CLSTN2: variants seen among roughly 807,000 people sequenced by gnomAD.
The protein encoded by CLSTN2 is calsyntenin 2, also known as calsyntenin-2.
A neutral mutation model predicts 101.2 loss-of-function variants in CLSTN2; 48 were observed. That is an observed-to-expected ratio of 0.47 (90% CI 0.38 to 0.60). The LOEUF (loss-of-function observed/expected upper bound fraction) is 0.60, where lower values mean the gene tolerates loss of function less well. CLSTN2 is among the 20% of genes least tolerant of loss of function. The pLI, the probability that CLSTN2 is intolerant of heterozygous loss-of-function variation, is 0.00. For synonymous variants in CLSTN2, 481 were observed against 463.6 expected (o/e 1.04, Z -0.48); for missense variants, 1,160 against 1,238.2 (o/e 0.94, Z 0.95).
At chr3:140,480,301 T>G (rs1372313729) in intron 8 of CLSTN2, among the ~76,000 whole-genome samples, 1 of 152,224 alleles carries the variant, frequency 6.6e-6, no homozygotes, top group African/African-American at 2.4e-5. Context: ...CTGCATAGTA[T>G]TCCATGGTGT....
intron 1 of CLSTN2, among the ~76,000 whole-genome samples, chr3:140,128,575 A>T (rs1297524857): frequency 6.6e-6 from 1 of 152,224 alleles, no homozygotes; most frequent in Non-Finnish European, 1.5e-5. Flanking sequence ...GGGAATCATT[A>T]GGAAACCTGA....
intron 2 of CLSTN2, among the ~76,000 whole-genome samples, chr3:140,350,815 G>A (rs986321947): frequency 1.3e-5 from 2 of 152,186 alleles, no homozygotes; most frequent in African/African-American, 4.8e-5. Flanking sequence ...TTTGAGATTA[G>A]ATGCTTGAGA....
rs1156442987 is a variant in CLSTN2, at chr3:140,205,627, C to CCCCCA, written c.232+29555_232+29556insCCCAC. Among the ~76,000 whole-genome samples, 13 of 111,598 alleles carry CCCCCA rather than the reference C, an allele frequency of 1.2e-4. 1 individual carries two copies. Among genetic ancestry groups the CCCCCA allele is most frequent in the Admixed American group, 2.0e-4 (2 of 9,838 alleles). The allele number at this position is 111,598 out of a possible 152,430, so 73.2% of individuals were successfully genotyped here. Reference sequence around the variant, plus strand: ...TGTTTGGACCTGACCCGCCCCCCACCCACACACACACACAGCCACCTGCTA... The same window carrying CCCCCA: ...TGTTTGGACCTGACCCGCCCCCCACCCCCCACACACACACACACAGCCACCTGCTA... On this transcript the variant is annotated intron_variant, in intron 2 of 16. Transcript: ENST00000458420.
At chr3:140,057,750 A>G (rs1464447002) in intron 1 of CLSTN2, among the ~76,000 whole-genome samples, 7 of 152,166 alleles carry the variant, frequency 4.6e-5, no homozygotes, top group African/African-American at 1.7e-4. Context: ...GTAGGGCCCA[A>G]TTATCACTGC....
rs540345206 is a variant in CLSTN2 at position 140,333,535 on chromosome 3, C to T, written c.233-70094C>T. 6.9e-4 allele frequency among the ~76,000 whole-genome samples: 105 copies of T among 152,228 alleles called. 2 individuals carry two copies. The South Asian group carries it at 0.021, about 31-fold the overall frequency. On this transcript the variant is annotated intron_variant, in intron 2 of 16. Coordinates refer to ENST00000458420, the MANE Select transcript of CLSTN2 (RefSeq NM_022131.3). Reference sequence around the variant, plus strand: ...CCATGGTCTGACTACAGTTTTACCCCTTGTTTCCTCTTTTCCACTATTTAG... The same window carrying T: ...CCATGGTCTGACTACAGTTTTACCCTTTGTTTCCTCTTTTCCACTATTTAG...
chr3:140,565,479 G>C (rs946588841), intron 16 of CLSTN2, among the ~76,000 whole-genome samples: 1 of 152,124 alleles, frequency 6.6e-6, no homozygotes, highest in African/African-American at 2.4e-5. Context: ...GGAAAGGAAG[G>C]GGTACAGCCT....
At chr3:140,445,415 A>G (rs984622757) in intron 5 of CLSTN2, among the ~76,000 whole-genome samples, 4 of 152,192 alleles carry the variant, frequency 2.6e-5, no homozygotes, top group Non-Finnish European at 5.9e-5. Context: ...TCTCCAGAGA[A>G]AAGGCCTCCA....
chr3:140,228,210 GCTTTGCTGCTTAGAAATTT>G (rs2086340461), intron 2 of CLSTN2, among the ~76,000 whole-genome samples: 1 of 152,136 alleles, frequency 6.6e-6, no homozygotes, highest in Non-Finnish European at 1.5e-5. Context: ...CATCTTGAAT[GCTTTGCTGCTTAGAAATTT>G]CTTCTGCCAG....
At chr3:140,291,804 G>A (rs1395696421) in intron 2 of CLSTN2, among the ~76,000 whole-genome samples, 1 of 151,926 alleles carries the variant, frequency 6.6e-6, no homozygotes, top group Non-Finnish European at 1.5e-5. Flanking sequence ...TGAAAGATGA[G>A]CTTCCAACCA....
intron 1 of CLSTN2, among the ~76,000 whole-genome samples, chr3:140,067,675 C>T (rs1298635021): frequency 6.6e-6 from 1 of 152,194 alleles, no homozygotes; most frequent in South Asian, 2.1e-4. Flanking sequence ...ATCACAGATG[C>T]TGTCACCCTT....
chr3:140,212,738 T>G (rs2010873596), intron 2 of CLSTN2, among the ~76,000 whole-genome samples: 1 of 152,200 alleles, frequency 6.6e-6, no homozygotes, highest in African/African-American at 2.4e-5. Flanking sequence ...AGGCCATGTT[T>G]CTGTTCACTC....
chr3:140,117,230 C>T (rs2009259884), intron 1 of CLSTN2, among the ~76,000 whole-genome samples: 1 of 152,226 alleles, frequency 6.6e-6, no homozygotes, highest in African/African-American at 2.4e-5. Context: ...GTGGTTGCCT[C>T]TCTGCAGCCT....
chr3:140,558,666 G>A lies in CLSTN2; in HGVS notation c.1850G>A (p.Ser617Asn). 1 of 1,613,882 alleles carries A rather than the reference G, an allele frequency of 6.2e-7. No homozygotes were observed. The highest frequency in any genetic ancestry group is 8.5e-7 in the Non-Finnish European group (1 of 1,179,918). The change falls in exon 12 of 17, where the codon AGT (serine) becomes AAT (asparagine). Residue 617 changes from serine to asparagine, a missense_variant. By Grantham distance (46) the Ser-to-Asn change is conservative (BLOSUM62 1). Transcript: ENST00000458420. ...TGCTTTGGGGAAGACGTATGCATCA[G>A]TATCCCTGAGGTAGATGCCTATGTG... ...VQCFGEDVCI[S>N]IPEVDAYVMV...
chr3:140,484,165 C>CA (rs1461388685), intron 8 of CLSTN2, among the ~76,000 whole-genome samples: 2 of 152,100 alleles, frequency 1.3e-5, no homozygotes, highest in Non-Finnish European at 2.9e-5. Context: ...CTGGTGGTGA[C>CA]AAAAATCTCT....
At chr3:140,192,966 G>A (rs1161305523) in intron 2 of CLSTN2, among the ~76,000 whole-genome samples, 1 of 151,566 alleles carries the variant, frequency 6.6e-6, no homozygotes, top group Admixed American at 6.6e-5. Context: ...TTTTTTAGTG[G>A]TTGATCTAGG....
intron 5 of CLSTN2, among the ~76,000 whole-genome samples, chr3:140,441,320 GAAT>G (rs1576569387): frequency 6.6e-6 from 1 of 152,176 alleles, no homozygotes; most frequent in East Asian, 1.9e-4. Context: ...GGAGATCCAG[GAAT>G]AGTCCTTTCC....
chr3:140,575,907 TA>T lies in CLSTN2; in HGVS notation c.*9655del, dbSNP rs1275754725. On this transcript the variant is annotated 3_prime_UTR_variant, in exon 17 of 17. Transcript: ENST00000458420. ...AAGAATAAAGTCATAAGTACCAGCA[TA>T]TTTTAAATCCTTAGAAGCACTGGTT... 3.9e-5 allele frequency: 6 copies of T among 152,220 alleles called. No individual in the cohort carries two copies. The highest frequency in any genetic ancestry group is 7.3e-5 in the Non-Finnish European group (5 of 68,052). The allele number at this position is 152,220 out of a possible 1,614,324, so 9.4% of individuals were successfully genotyped here.
chr3:140,058,396 G>A (rs1381228361), intron 1 of CLSTN2, among the ~76,000 whole-genome samples: 1 of 152,170 alleles, frequency 6.6e-6, no homozygotes, highest in East Asian at 1.9e-4. Context: ...ATCATGGATG[G>A]AAGACATGGC....
intron 1 of CLSTN2, among the ~76,000 whole-genome samples, chr3:140,160,330 C>G (rs2010025662): frequency 6.6e-6 from 1 of 151,906 alleles, no homozygotes; most frequent in African/African-American, 2.4e-5. Flanking sequence ...TATGGTGAGC[C>G]CTGCACAATT....
Sources: gnomAD v4.1 joint callset for allele counts (sites outside exome capture counted in the v4.1 genomes callset) on GRCh38, gnomAD v4.1.1 for gene constraint, MANE v1.5 for transcripts, NCBI Gene and HGNC (gene_info 2026-07-23, HGNC 2026-07-21) for gene names.